Variants in CSMD1 observed in about 807,000 individuals in gnomAD.
CSMD1 encodes the protein CUB and Sushi multiple domains 1, also known as CUB and sushi domain-containing protein 1.
In CSMD1, 213 loss-of-function variants were observed where a neutral mutation model predicts 417.5. The observed-to-expected ratio is 0.51, with a 90% CI of 0.46 to 0.57. The LOEUF (loss-of-function observed/expected upper bound fraction) is 0.57. CSMD1 is among the 20% of genes least tolerant of loss of function. The pLI is 0.00. For missense variants in CSMD1, 6,923 were observed against 4,529.7 expected (o/e 1.53, Z -15.17); for synonymous variants, 2,862 against 1,736.8 (o/e 1.65, Z -16.11).
chr8:3,309,571 T>A (rs1364003620), intron 23 of CSMD1, among the ~76,000 whole-genome samples: 1 of 152,200 alleles, frequency 6.6e-6, no homozygotes, highest in Non-Finnish European at 1.5e-5. Context: ...TGAAAGACAG[T>A]CTTACAGTAA....
intron 23 of CSMD1, among the ~76,000 whole-genome samples, chr8:3,327,954 C>G (rs1484356697): frequency 6.6e-6 from 1 of 152,074 alleles, no homozygotes; most frequent in African/African-American, 2.4e-5. Flanking sequence ...CCTACCTAGC[C>G]CTAGCCCAGA....
At chr8:4,616,355 C>T (rs1405534181) in intron 2 of CSMD1, among the ~76,000 whole-genome samples, 1 of 152,160 alleles carries the variant, frequency 6.6e-6, no homozygotes, top group African/African-American at 2.4e-5. Flanking sequence ...TTCTCAAGAA[C>T]TCTGAGGTCA....
At chr8:4,968,190 T>C (rs560787697) in intron 1 of CSMD1, among the ~76,000 whole-genome samples, 1 of 152,304 alleles carries the variant, frequency 6.6e-6, no homozygotes, top group East Asian at 1.9e-4. Flanking sequence ...TTCCAGATAA[T>C]TAGATTTTTG....
At chr8:4,983,585 C>A (rs958882980) in intron 1 of CSMD1, among the ~76,000 whole-genome samples, 1 of 152,104 alleles carries the variant, frequency 6.6e-6, no homozygotes, top group Non-Finnish European at 1.5e-5. Context: ...GGCAGTGGTG[C>A]AATCTCGACT....
At chr8:4,061,735 C>A (rs1798982805) in intron 3 of CSMD1, among the ~76,000 whole-genome samples, 1 of 152,110 alleles carries the variant, frequency 6.6e-6, no homozygotes, top group African/African-American at 2.4e-5. Flanking sequence ...ATTAATTATT[C>A]TAATGAGTGA....
intron 8 of CSMD1, among the ~76,000 whole-genome samples, chr8:3,589,954 A>C (rs1470882355): frequency 7.7e-5 from 3 of 38,720 alleles, no homozygotes; most frequent in Non-Finnish European, 1.7e-4. Context: ...TCCAAAATAT[A>C]GGAAATTTCT....
At chr8:4,824,897 G>T (rs1479258812) in intron 1 of CSMD1, among the ~76,000 whole-genome samples, 2 of 152,072 alleles carry the variant, frequency 1.3e-5, no homozygotes, top group African/African-American at 4.8e-5. Context: ...AGGGTAATGG[G>T]CTGTTACTGC....
intron 5 of CSMD1, among the ~76,000 whole-genome samples, chr8:3,923,274 C>A (rs149116234): frequency 1.3e-5 from 2 of 152,142 alleles, no homozygotes; most frequent in East Asian, 1.9e-4. Flanking sequence ...GTGTCTGACT[C>A]TGGAGCCCAG....
intron 7 of CSMD1, among the ~76,000 whole-genome samples, chr8:3,687,205 T>C (rs1799985737): frequency 6.6e-6 from 1 of 152,244 alleles, no homozygotes; most frequent in Non-Finnish European, 1.5e-5. Flanking sequence ...CCTTCCATCT[T>C]GGTTTGCCCA....
At chr8:3,630,767 C>A (rs921068572) in intron 7 of CSMD1, among the ~76,000 whole-genome samples, 5 of 152,080 alleles carry the variant, frequency 3.3e-5, no homozygotes, top group Admixed American at 1.3e-4. Context: ...TAGCACTCAC[C>A]ATGGTGGCTA....
At chr8:4,095,812 T>A (rs1315462105) in intron 3 of CSMD1, among the ~76,000 whole-genome samples, 1 of 152,246 alleles carries the variant, frequency 6.6e-6, no homozygotes, top group African/African-American at 2.4e-5. Context: ...TATGCATGTT[T>A]ATTCATTTGT....
intron 3 of CSMD1, among the ~76,000 whole-genome samples, chr8:4,178,023 C>A (rs1219842295): frequency 1.3e-5 from 2 of 152,142 alleles, no homozygotes; most frequent in East Asian, 1.9e-4. Flanking sequence ...TAGTACCATT[C>A]CTTCTGAAAC....
chr8:3,672,585 T>C (rs1234411066), intron 7 of CSMD1, among the ~76,000 whole-genome samples: 1 of 152,214 alleles, frequency 6.6e-6, no homozygotes, highest in Non-Finnish European at 1.5e-5. Flanking sequence ...TTCCCAATAA[T>C]GTGTTTACAT....
intron 5 of CSMD1, among the ~76,000 whole-genome samples, chr8:3,823,291 G>C (rs911864073): frequency 6.6e-6 from 1 of 152,090 alleles, no homozygotes; most frequent in Non-Finnish European, 1.5e-5. Context: ...GTCTGGAATC[G>C]CTTCCTCCTG....
chr8:4,258,676 T>A (rs1803657427), intron 3 of CSMD1, among the ~76,000 whole-genome samples: 1 of 150,776 alleles, frequency 6.6e-6, no homozygotes, highest in Non-Finnish European at 1.5e-5. Context: ...GTAATCACCT[T>A]CCAGAGGACT....
chr8:3,110,243 G>C lies in CSMD1; in HGVS notation c.6523C>G (p.Leu2175Val). The part of the protein sequence containing the change: ...EYPILKDCIW[L>V]ITVPPGHGVY... The stretch of plus-strand genomic sequence containing the variant: ...CCGTGCCCTGGAGGCACCGTGATGA[G>C]CCAAATGCAGTCCTTCAGGATCGGA... Residue 2175 changes from leucine (L) to valine (V), a missense_variant, in exon 43 of 70, where the codon CTC becomes GTC. Coordinates refer to ENST00000635120, the MANE Select transcript of CSMD1 (RefSeq NM_033225.6). The C allele has an allele frequency of 2.5e-6, 4 of 1,613,382 alleles. No homozygotes were observed. Among genetic ancestry groups the C allele is most frequent in the Non-Finnish European group, 2.5e-6 (3 of 1,179,646 alleles).
rs192487033 is a variant in CSMD1, at chr8:4,748,155, C to A, written c.86-110597G>T. Among the ~76,000 whole-genome samples the A allele has an allele frequency of 5.3e-5, 8 of 152,290 alleles. No homozygotes were observed. The East Asian group carries it at 1.5e-3, about 29-fold the overall frequency. On this transcript the variant is annotated intron_variant, in intron 1 of 69. Transcript: ENST00000635120. ...CCAACCAACTCACAGAGAAAACCCACAACATGTTTCTACTCCATCACCTTG... is the reference window on the plus strand; with the variant it reads ...CCAACCAACTCACAGAGAAAACCCAAAACATGTTTCTACTCCATCACCTTG...
At chr8:4,522,248 C>T (rs540921445) in intron 2 of CSMD1, among the ~76,000 whole-genome samples, 1 of 152,250 alleles carries the variant, frequency 6.6e-6, no homozygotes, top group African/African-American at 2.4e-5. Context: ...TTGCCTGCTG[C>T]CATCCACATA....
At chr8:4,436,732 T>G (rs1798169861) in intron 2 of CSMD1, among the ~76,000 whole-genome samples, 1 of 152,150 alleles carries the variant, frequency 6.6e-6, no homozygotes, top group Non-Finnish European at 1.5e-5. Context: ...AGTTTAATTG[T>G]TTTGATTTTT....
Sources: allele counts gnomAD v4.1 joint callset (sites outside exome capture counted in the v4.1 genomes callset), GRCh38; gene constraint gnomAD v4.1.1; transcripts MANE v1.5; gene names NCBI Gene and HGNC (gene_info 2026-07-23, HGNC 2026-07-21).